The following ROGDI variants were observed in gnomAD, a reference collection of about 807,000 sequenced individuals.
ROGDI encodes protein rogdi homolog.
In ROGDI, 46 loss-of-function variants were observed where a neutral mutation model predicts 43.1. The observed-to-expected ratio is 1.07, with a 90% CI of 0.84 to 1.37. The LOEUF (loss-of-function observed/expected upper bound fraction) is 1.37, where lower values mean the gene tolerates loss of function less well. Ranked by LOEUF, ROGDI falls within the 40% of genes most tolerant of loss-of-function variation. The pLI is 0.00. For synonymous variants in ROGDI, 243 were observed against 162.0 expected (o/e 1.50, Z -3.80); for missense variants, 518 against 383.9 (o/e 1.35, Z -2.92).
intron 3 of ROGDI, 23 bp downstream of exon 3, chr16:4,801,480 G>C: frequency 1.3e-6 from 2 of 1,592,476 alleles, no homozygotes; most frequent in Non-Finnish European, 1.7e-6. Context: ...CATTTCCCCG[G>C]TTTCCGCCTA....
intron 7 of ROGDI, 107 bp downstream of exon 7, chr16:4,798,462 T>A (rs1205018759): frequency 1.1e-6 from 1 of 905,944 alleles, no homozygotes; most frequent in African/African-American, 1.7e-5. Context: ...AGACAGAATA[T>A]TCCACCTATA....
In ROGDI at chr16:4,797,037, T is replaced by C. The variant is rs1341500309; in HGVS notation, c.*423A>G. The C allele has an allele frequency of 1.0e-5, 2 of 194,424 alleles. No individual in the cohort carries two copies. The highest frequency in any genetic ancestry group is 9.8e-5 in the South Asian group (1 of 10,158). The allele number at this position is 194,424 out of a possible 1,614,324, so 12.0% of individuals were successfully genotyped here. ...CTATGAAACACAGTCACCAGCACTATACTCACTCCTAGGGTGGCTCTGTCT... is the reference window on the plus strand; with the variant it reads ...CTATGAAACACAGTCACCAGCACTACACTCACTCCTAGGGTGGCTCTGTCT... On this transcript the variant is annotated 3_prime_UTR_variant, in exon 11 of 11. Transcript: ENST00000322048.
Position 4,797,420 on chromosome 16 carries a change from CG to C in ROGDI, c.*39del. 1 of 1,594,266 alleles carries C rather than the reference CG, an allele frequency of 6.3e-7. No individual in the cohort carries two copies. Among genetic ancestry groups the C allele is most frequent in the Non-Finnish European group, 8.6e-7 (1 of 1,168,256 alleles). ...CTCTGTGGTGGGTATGAGTAGGGGACGGGGCCGCCTTCCTGGAGACAAGCTC... is the reference window on the plus strand; with the variant it reads ...CTCTGTGGTGGGTATGAGTAGGGGACGGGCCGCCTTCCTGGAGACAAGCTC... On this transcript the variant is annotated 3_prime_UTR_variant, in exon 11 of 11. Coordinates refer to ENST00000322048, the MANE Select transcript of ROGDI (RefSeq NM_024589.3).
Position 4,797,182 on chromosome 16 carries a change from T to G in ROGDI, c.*278A>C. The G allele has an allele frequency of 2.4e-6, 1 of 415,818 alleles. No individual in the cohort carries two copies. Among genetic ancestry groups the G allele is most frequent in the Non-Finnish European group, 4.4e-6 (1 of 227,034 alleles). 25.8% of individuals were successfully genotyped at this position (415,818 alleles called of 1,614,324 possible). ...GAGAGCCCTGCGCCTGGCCCTGTCC[T>G]GAGTCCAAAGATTCCCATGGTGATC... On this transcript the variant is annotated 3_prime_UTR_variant, in exon 11 of 11. Coordinates refer to ENST00000322048, the MANE Select transcript of ROGDI (RefSeq NM_024589.3).
Position 4,802,561 on chromosome 16 carries a change from A to G in ROGDI, c.11T>C (p.Val4Ala). ...CCGCTCCGCCGCCGTCGCTGCCATC[A>G]CGGTGGCCATGGCCGCAGGCCGCCG... MATVMAATAAERAV... is the reference protein window; with the variant it reads MATAMAATAAERAV... Residue 4 changes from valine to alanine, a missense_variant, in exon 1 of 11, where the codon GTG (valine) becomes GCG (alanine). Physicochemically the swap from Val to Ala is moderately conservative, Grantham distance 64. Coordinates refer to ENST00000322048, the MANE Select transcript of ROGDI (RefSeq NM_024589.3). The G allele has an allele frequency of 1.5e-6, 2 of 1,299,002 alleles. No homozygotes were observed. Among genetic ancestry groups the G allele is most frequent in the Admixed American group, 3.1e-5 (1 of 32,706 alleles). The allele number at this position is 1,299,002 out of a possible 1,614,324, so 80.5% of individuals were successfully genotyped here.
Position 4,799,749 on chromosome 16 carries a change from G to T in ROGDI, c.369C>A (p.Ala123=), listed in dbSNP as rs202030408. The T allele has an allele frequency of 6.2e-7, 1 of 1,613,746 alleles. No individual in the cohort carries two copies. Among genetic ancestry groups the T allele is most frequent in the East Asian group, 2.2e-5 (1 of 44,882 alleles). Residue 123 remains alanine (A), a synonymous_variant, in exon 6 of 11, where the codon GCC becomes GCA. Coordinates refer to ENST00000322048, the MANE Select transcript of ROGDI (RefSeq NM_024589.3). ...GGTCCCGGCTGGTAAGCAGGTAAAT[G>T]GCTTGGCTCACATGGTTTCTGGCAT... ...IQDARNHVSQ[A]IYLLTSRDQS...
Position 4,797,974 on chromosome 16 carries a change from G to A in ROGDI, c.659C>T (p.Ala220Val), listed in dbSNP as rs138707436. 1.2e-6 allele frequency: 2 copies of A among 1,607,808 alleles called. No homozygotes were observed. The highest frequency in any genetic ancestry group is 2.2e-5 in the East Asian group (1 of 44,728). The change falls in exon 9 of 11, where the codon GCT becomes GTT. Residue 220 changes from alanine to valine, a missense_variant. By Grantham distance (64) the Ala-to-Val change is moderately conservative (BLOSUM62 0). Transcript: ENST00000322048. ...QPNSTKNFRPAGGAVLHSPGA... is the reference protein window; with the variant it reads ...QPNSTKNFRPVGGAVLHSPGA... ...AGGGCTATGCAGCACCGCGCCCCCAGCTGGGCGGAAGTTCTAGGGAGAACA... is the reference window on the plus strand; with the variant it reads ...AGGGCTATGCAGCACCGCGCCCCCAACTGGGCGGAAGTTCTAGGGAGAACA...
chr16:4,800,139 G>C (rs890331010), intron 5 of ROGDI, among the ~76,000 whole-genome samples: 2 of 152,192 alleles, frequency 1.3e-5, no homozygotes, highest in African/African-American at 4.8e-5. Context: ...CATTGGTACA[G>C]GAGCTGCCAG....
chr16:4,797,523 T>G (rs1982515), intron 10 of ROGDI, 22 bp from the exon 11 acceptor site: 1 of 1,596,642 alleles, frequency 6.3e-7, no homozygotes, highest in Non-Finnish European at 8.5e-7. Context: ...GAGGGTGCTG[T>G]AGGTTGCTGA....
At chr16:4,798,894 C>T (rs1239707913) in intron 6 of ROGDI, 3 of 549,274 alleles carry the variant, frequency 5.5e-6, no homozygotes, top group Non-Finnish European at 9.5e-6. Flanking sequence ...ATTCACTGCA[C>T]GGGGATCCTG....
chr16:4,802,087 G>A (rs1481634727), intron 2 of ROGDI: 2 of 630,284 alleles, frequency 3.2e-6, no homozygotes, highest in East Asian at 6.5e-5. Context: ...CCAGGCAGAG[G>A]CAGAATTCTT....
chr16:4,797,923 C>G lies in ROGDI; in HGVS notation c.695+15G>C. The G allele has an allele frequency of 6.3e-7, 1 of 1,598,576 alleles. No individual in the cohort carries two copies. Among genetic ancestry groups the G allele is most frequent in the Non-Finnish European group, 8.5e-7 (1 of 1,170,234 alleles). ...GGGGTGGGCGTGCCTGGACCCCCCGCCCCTGCCTACTTACAACATGGCCCC... is the reference window on the plus strand; with the variant it reads ...GGGGTGGGCGTGCCTGGACCCCCCGGCCCTGCCTACTTACAACATGGCCCC... On this transcript the variant is annotated intron_variant, in intron 9 of 10. Transcript: ENST00000322048.
rs376765258 is a variant in ROGDI at position 4,798,139 on chromosome 16, A to G, written c.577T>C (p.Tyr193His). The change falls in exon 8 of 11, where the codon TAC becomes CAC. Residue 193 changes from tyrosine (Y) to histidine (H), a missense_variant. By Grantham distance (83) the Tyr-to-His change is moderately conservative. Transcript: ENST00000322048. Reference sequence around the variant, plus strand: ...AGGCAGAGCTTGTTGAGGTTGATGTAGACGTTGACCAGCAGGTCGGACGGC... The same window carrying G: ...AGGCAGAGCTTGTTGAGGTTGATGTGGACGTTGACCAGCAGGTCGGACGGC... ...ALPSDLLVNV[Y>H]INLNKLCLTV... The G allele has an allele frequency of 4.3e-5, 70 of 1,613,904 alleles. No homozygotes were observed. In the African/African-American group the frequency reaches 7.6e-4, roughly 18 times the overall value.
chr16:4,802,282 A>G, intron 2 of ROGDI, 100 bp downstream of exon 2: 1 of 1,118,244 alleles, frequency 8.9e-7, no homozygotes, highest in Non-Finnish European at 1.3e-6. Flanking sequence ...GCAGCCGCAC[A>G]CTGTAGGCGC....
chr16:4,802,506 C>T (rs1325315976), intron 1 of ROGDI, 21 bp downstream of exon 1: 3 of 1,211,368 alleles, frequency 2.5e-6, no homozygotes, highest in Non-Finnish European at 3.1e-6. Context: ...GCCGGCCCGC[C>T]CGCTGGCCCG....
chr16:4,799,635 G>T, intron 6 of ROGDI, 51 bp downstream of exon 6: 1 of 1,413,156 alleles, frequency 7.1e-7, no homozygotes, highest in South Asian at 1.2e-5. Flanking sequence ...GTGTGATTCC[G>T]GATCAAGAAC....
chr16:4,800,633 C>T (rs1567602166), intron 4 of ROGDI, 55 bp from the exon 5 acceptor site: 1 of 1,382,892 alleles, frequency 7.2e-7, no homozygotes, highest in Non-Finnish European at 1.0e-6. Context: ...CCTGCCACAG[C>T]CACTCTGAGC....
chr16:4,797,613 T>C (rs2082666475), intron 10 of ROGDI, 101 bp downstream of exon 10: 1 of 518,458 alleles, frequency 1.9e-6, no homozygotes, highest in Non-Finnish European at 2.7e-6. Flanking sequence ...TGCCTCGCAG[T>C]GCTGTGGGGT....
intron 2 of ROGDI, 112 bp downstream of exon 2, chr16:4,802,270 C>T (rs1299689959): frequency 3.0e-6 from 3 of 1,006,632 alleles, no homozygotes; most frequent in Non-Finnish European, 4.4e-6. Context: ...CTGAAAGCCG[C>T]GGCAGCCGCA....
Sources: allele counts gnomAD v4.1 joint callset (sites outside exome capture counted in the v4.1 genomes callset), GRCh38; gene constraint gnomAD v4.1.1; transcripts MANE v1.5; gene names NCBI Gene and HGNC (gene_info 2026-07-23, HGNC 2026-07-21).